ATRNL1: variants seen among roughly 807,000 people sequenced by gnomAD.
ATRNL1 encodes the protein attractin-like protein 1.
Under a neutral mutation model 182.7 loss-of-function variants are expected in ATRNL1, and 95 were observed. The ratio of observed to expected loss-of-function variants is 0.52; its 90% CI spans 0.44 to 0.62. ATRNL1 has a LOEUF of 0.62. Ranked by LOEUF, ATRNL1 falls within the 20% of genes least tolerant of loss-of-function variation. The pLI is 0.00. For synonymous variants in ATRNL1, 576 were observed against 568.3 expected (o/e 1.01, Z -0.19); for missense variants, 1,471 against 1,679.5 (o/e 0.88, Z 2.17).
intron 26 of ATRNL1, among the ~76,000 whole-genome samples, chr10:115,689,856 A>C (rs1196947371): frequency 2.0e-5 from 3 of 152,194 alleles, no homozygotes; most frequent in Non-Finnish European, 4.4e-5. Context: ...GGGCCACACC[A>C]TCAGTGGGGG....
In ATRNL1 at chr10:115,382,161, T is replaced by C. The variant is rs184298528; in HGVS notation, c.3176-12498T>C. On this transcript the variant is annotated intron_variant, in intron 19 of 28. Coordinates refer to ENST00000355044, the MANE Select transcript of ATRNL1 (RefSeq NM_207303.4). ...TCCAACTTTATTCTTCTTTTAAAAA[T>C]GTTTTGGCTGTTTGAGACTCCTTGT... Among the ~76,000 whole-genome samples, 416 of 152,316 alleles carry C rather than the reference T, an allele frequency of 2.7e-3. 2 individuals carry two copies. Among genetic ancestry groups the C allele is most frequent in the Non-Finnish European group, 4.1e-3 (276 of 68,004 alleles).
At chr10:115,498,668 TA>T (rs1849670359) in intron 24 of ATRNL1, among the ~76,000 whole-genome samples, 1 of 151,758 alleles carries the variant, frequency 6.6e-6, no homozygotes, top group Non-Finnish European at 1.5e-5. Context: ...TATAAGTATA[TA>T]CTTTAATATA....
intron 25 of ATRNL1, among the ~76,000 whole-genome samples, chr10:115,532,140 A>C (rs1387019095): frequency 1.3e-5 from 2 of 151,908 alleles, no homozygotes; most frequent in Non-Finnish European, 2.9e-5. Flanking sequence ...ATGAATTTTA[A>C]AGTAGTTTTT....
intron 26 of ATRNL1, among the ~76,000 whole-genome samples, chr10:115,718,428 T>C (rs1555056895): frequency 6.6e-6 from 1 of 152,194 alleles, no homozygotes; most frequent in Admixed American, 6.5e-5. Flanking sequence ...TTTTTAAAGT[T>C]GTCAATAAGC....
At chr10:115,713,212 G>T (rs543221079) in intron 26 of ATRNL1, among the ~76,000 whole-genome samples, 2 of 152,096 alleles carry the variant, frequency 1.3e-5, no homozygotes, top group African/African-American at 4.8e-5. Flanking sequence ...CTAAACGATT[G>T]TAAGTTTCAT....
In ATRNL1 at chr10:115,436,818, C is replaced by T. The variant is rs551074284; in HGVS notation, c.3322+10516C>T. Reference sequence around the variant, plus strand: ...CTTATTGACTAGCTACTTTGTTAGACTCCATGGATAACAAAGTGAACAAAA... The same window carrying T: ...CTTATTGACTAGCTACTTTGTTAGATTCCATGGATAACAAAGTGAACAAAA... On this transcript the variant is annotated intron_variant, in intron 21 of 28. Coordinates refer to ENST00000355044, the MANE Select transcript of ATRNL1 (RefSeq NM_207303.4). 1.6e-4 allele frequency among the ~76,000 whole-genome samples: 25 copies of T among 152,172 alleles called. No homozygotes were observed. In the East Asian group the frequency reaches 4.8e-3, roughly 29 times the overall value.
intron 5 of ATRNL1, among the ~76,000 whole-genome samples, chr10:115,135,940 C>A (rs1356041757): frequency 2.0e-5 from 3 of 151,534 alleles, no homozygotes; most frequent in African/African-American, 7.3e-5. Context: ...GCTCTTGCAG[C>A]GTTGACCTTC....
rs552849574 is a variant in ATRNL1, at chr10:115,217,941, T to C, written c.1532+2061T>C. ...AGCATATTTGTCAAGTTTGCTATTA[T>C]ATATGGATTATGTCAGTGGTCCCCA... On this transcript the variant is annotated intron_variant, in intron 9 of 28. Transcript: ENST00000355044. Among the ~76,000 whole-genome samples the C allele has an allele frequency of 1.2e-4, 18 of 152,256 alleles. No homozygotes were observed. The South Asian group carries it at 3.5e-3, about 30-fold the overall frequency.
chr10:115,535,513 A>T (rs1351812995), intron 25 of ATRNL1, among the ~76,000 whole-genome samples: 3 of 150,792 alleles, frequency 2.0e-5, no homozygotes, highest in East Asian at 1.9e-4. Context: ...ATTAGTCTAA[A>T]TTTTTTTCAA....
At chr10:115,907,524 A>G (rs1952540670) in intron 28 of ATRNL1, among the ~76,000 whole-genome samples, 1 of 152,202 alleles carries the variant, frequency 6.6e-6, no homozygotes, top group African/African-American at 2.4e-5. Flanking sequence ...AAATTAAGAA[A>G]TCCCTTAATT....
intron 26 of ATRNL1, among the ~76,000 whole-genome samples, chr10:115,587,026 G>A (rs1197059546): frequency 6.7e-6 from 1 of 148,870 alleles, no homozygotes; most frequent in Non-Finnish European, 1.5e-5. Context: ...TGAGGTGTCA[G>A]TCTGCCCCTA....
At chr10:115,142,480 G>T (rs548697343) in intron 5 of ATRNL1, among the ~76,000 whole-genome samples, 2 of 152,278 alleles carry the variant, frequency 1.3e-5, no homozygotes, top group South Asian at 4.1e-4. Context: ...GAATTAAGGG[G>T]TTGCTGGAGG....
intron 15 of ATRNL1, among the ~76,000 whole-genome samples, chr10:115,291,352 A>G (rs976975878): frequency 2.0e-5 from 3 of 152,108 alleles, no homozygotes; most frequent in African/African-American, 4.8e-5. Context: ...TGCTGTGTTA[A>G]ATAATTGTGG....
At chr10:115,531,211 C>G (rs1460625412) in intron 25 of ATRNL1, among the ~76,000 whole-genome samples, 10 of 152,002 alleles carry the variant, frequency 6.6e-5, no homozygotes. Flanking sequence ...ACACTGACTT[C>G]CACAATGGTT....
intron 24 of ATRNL1, among the ~76,000 whole-genome samples, chr10:115,505,961 A>C (rs1381454447): frequency 3.3e-5 from 5 of 152,042 alleles, no homozygotes; most frequent in Non-Finnish European, 2.9e-5. Context: ...GGAAGAAAAA[A>C]AAAAAAAGAA....
At chr10:115,772,074 C>T (rs1440515315) in intron 27 of ATRNL1, among the ~76,000 whole-genome samples, 1 of 152,210 alleles carries the variant, frequency 6.6e-6, no homozygotes, top group South Asian at 2.1e-4. Context: ...AAAGCTGCTC[C>T]TTTGACCATT....
intron 26 of ATRNL1, among the ~76,000 whole-genome samples, chr10:115,592,819 C>A (rs1306950548): frequency 6.6e-6 from 1 of 152,142 alleles, no homozygotes; most frequent in Non-Finnish European, 1.5e-5. Flanking sequence ...TGTTGAAACT[C>A]TATATATTTG....
intron 24 of ATRNL1, among the ~76,000 whole-genome samples, chr10:115,487,907 C>G (rs1401225411): frequency 1.3e-5 from 2 of 150,354 alleles, no homozygotes; most frequent in Admixed American, 6.6e-5. Context: ...ATGTTTCATC[C>G]TAGTTTATTG....
chr10:115,300,802 A>G (rs919648818), intron 16 of ATRNL1, among the ~76,000 whole-genome samples: 1 of 152,198 alleles, frequency 6.6e-6, no homozygotes, highest in Non-Finnish European at 1.5e-5. Flanking sequence ...ATACTTTGAC[A>G]CTGTTGTGCA....
Sources: allele counts gnomAD v4.1 joint callset (sites outside exome capture counted in the v4.1 genomes callset), GRCh38; gene constraint gnomAD v4.1.1; transcripts MANE v1.5; gene names NCBI Gene and HGNC (gene_info 2026-07-23, HGNC 2026-07-21).